The following GRIA1 variants were observed in gnomAD, a reference collection of about 807,000 sequenced individuals.
GRIA1 encodes the protein glutamate receptor 1.
A neutral mutation model predicts 99.2 loss-of-function variants in GRIA1; 31 were observed. The ratio of observed to expected loss-of-function variants is 0.31; its 90% CI spans 0.23 to 0.42. The LOEUF is 0.42. Among genes scored for constraint, GRIA1 ranks in the 10% least tolerant of loss-of-function variants. The pLI, the probability that GRIA1 is intolerant of heterozygous loss-of-function variation, is 1.00. For synonymous variants in GRIA1, 438 were observed against 432.4 expected (o/e 1.01, Z -0.16); for missense variants, 782 against 1,157.5 (o/e 0.68, Z 4.71).
intron 8 of GRIA1, among the ~76,000 whole-genome samples, chr5:153,687,871 A>C (rs2149498980): frequency 6.6e-6 from 1 of 152,354 alleles, no homozygotes; most frequent in East Asian, 1.9e-4. Flanking sequence ...ACAAACAGTG[A>C]CTTAAAACAA....
At chr5:153,767,129 C>T (rs892140868) in intron 12 of GRIA1, among the ~76,000 whole-genome samples, 2 of 152,060 alleles carry the variant, frequency 1.3e-5, no homozygotes, top group African/African-American at 4.8e-5. Context: ...TGAGGCATTC[C>T]TACCCTAAAG....
At chr5:153,756,247 G>T (rs1403809862) in intron 11 of GRIA1, among the ~76,000 whole-genome samples, 2 of 152,156 alleles carry the variant, frequency 1.3e-5, no homozygotes, top group Non-Finnish European at 2.9e-5. Flanking sequence ...ATCCAGAGGG[G>T]GCCCAGTCTC....
rs1313356633 is a variant in GRIA1, at chr5:153,490,767, CAAGG to C, written c.-115_-112del. 2 of 787,080 alleles carry C rather than the reference CAAGG, an allele frequency of 2.5e-6. No homozygotes were observed. Among genetic ancestry groups the C allele is most frequent in the African/African-American group, 3.4e-5 (2 of 58,372 alleles). 48.8% of individuals were successfully genotyped at this position (787,080 alleles called of 1,614,324 possible). On this transcript the variant is annotated 5_prime_UTR_variant, in exon 1 of 16. Coordinates refer to ENST00000285900, the MANE Select transcript of GRIA1 (RefSeq NM_000827.4). ...TCACGAAAGGAAGGAAGCAAGCAAG[CAAGG>C]AAGGAACTGCAGGAGGAAAAGAACA...
intron 11 of GRIA1, among the ~76,000 whole-genome samples, chr5:153,738,219 C>T (rs1320529108): frequency 6.6e-6 from 1 of 152,222 alleles, no homozygotes; most frequent in African/African-American, 2.4e-5. Flanking sequence ...GGTTCTCCAT[C>T]AGTTATTCTG....
intron 11 of GRIA1, among the ~76,000 whole-genome samples, chr5:153,720,442 C>T (rs1581533013): frequency 1.3e-5 from 2 of 152,140 alleles, no homozygotes; most frequent in Non-Finnish European, 2.9e-5. Context: ...CTAAAATAAG[C>T]CCAGTCACTG....
intron 4 of GRIA1, among the ~76,000 whole-genome samples, chr5:153,652,432 T>A (rs1264252055): frequency 2.0e-5 from 3 of 152,200 alleles, no homozygotes; most frequent in Non-Finnish European, 4.4e-5. Context: ...ACAGCTTTTT[T>A]CAATTCCCCT....
intron 5 of GRIA1, among the ~76,000 whole-genome samples, chr5:153,665,171 A>G (rs942769604): frequency 1.3e-5 from 2 of 152,210 alleles, no homozygotes; most frequent in Non-Finnish European, 2.9e-5. Context: ...CAATAGCCCA[A>G]CCTGGAGTCC....
chr5:153,667,947 T>A (rs1755866172), intron 5 of GRIA1, among the ~76,000 whole-genome samples: 1 of 152,238 alleles, frequency 6.6e-6, no homozygotes, highest in African/African-American at 2.4e-5. Context: ...CTATATTAAC[T>A]AGTTTACTTA....
intron 2 of GRIA1, among the ~76,000 whole-genome samples, chr5:153,502,111 T>G (rs1392898766): frequency 6.6e-6 from 1 of 152,210 alleles, no homozygotes; most frequent in East Asian, 1.9e-4. Context: ...CTCTTTCATA[T>G]TCACATGCTC....
Position 153,812,635 on chromosome 5 carries a change from G to A in GRIA1, c.*1410G>A, listed in dbSNP as rs1222050370. The A allele has an allele frequency of 6.6e-6, 1 of 152,202 alleles. No homozygotes were observed. Among genetic ancestry groups the A allele is most frequent in the Non-Finnish European group, 1.5e-5 (1 of 68,038 alleles). 9.4% of individuals were successfully genotyped at this position (152,202 alleles called of 1,614,324 possible). A position where few individuals can be genotyped will look rare whatever the true frequency, so the allele number is the denominator to read the frequency against. Reference sequence around the variant, plus strand: ...CCTTCCCCCAGCTAAGATAGCATGAGGACGTTGTATTCCAATATACGTATG... The same window carrying A: ...CCTTCCCCCAGCTAAGATAGCATGAAGACGTTGTATTCCAATATACGTATG... On this transcript the variant is annotated 3_prime_UTR_variant, in exon 16 of 16. Transcript: ENST00000285900.
In GRIA1 at chr5:153,655,847, G is replaced by A; in HGVS notation, c.674G>A (p.Gly225Asp). Residue 225 changes from glycine to aspartate, a missense_variant, in exon 5 of 16, where the codon GGC (glycine) becomes GAC (aspartate). Around this residue, in one of 5 missense-constraint regions of GRIA1, gnomAD observed 461 missense variants for 521.7 expected, o/e 0.88. Transcript: ENST00000285900. ...QIIKLEKNGIGYHYILANLGF... is the reference protein window; with the variant it reads ...QIIKLEKNGIDYHYILANLGF... ...ATAAAGCTAGAGAAGAATGGCATCG[G>A]CTACCACTACATTCTTGCAAATCTG... 1 of 1,613,298 alleles carries A rather than the reference G, an allele frequency of 6.2e-7. No individual in the cohort carries two copies. Among genetic ancestry groups the A allele is most frequent in the Non-Finnish European group, 8.5e-7 (1 of 1,179,514 alleles).
At chr5:153,662,203 C>G (rs1029580424) in intron 5 of GRIA1, among the ~76,000 whole-genome samples, 16 of 152,298 alleles carry the variant, frequency 1.1e-4, no homozygotes, top group Non-Finnish European at 2.1e-4. Context: ...TCCCCCAGTG[C>G]CTTCTCTCAG....
intron 11 of GRIA1, among the ~76,000 whole-genome samples, chr5:153,712,074 C>T (rs944782723): frequency 3.3e-5 from 5 of 151,900 alleles, no homozygotes; most frequent in African/African-American, 9.7e-5. Context: ...TTTCCAAGAC[C>T]GAGTCTTGCT....
intron 13 of GRIA1, among the ~76,000 whole-genome samples, chr5:153,780,436 G>C (rs1356641870): frequency 1.3e-5 from 2 of 152,184 alleles, no homozygotes; most frequent in Non-Finnish European, 2.9e-5. Context: ...AATAACAACT[G>C]TTTCTTGGAC....
At chr5:153,507,583 T>C (rs1177327858) in intron 2 of GRIA1, among the ~76,000 whole-genome samples, 1 of 152,240 alleles carries the variant, frequency 6.6e-6, no homozygotes, top group Non-Finnish European at 1.5e-5. Flanking sequence ...ATCAATATTA[T>C]GTGTTGATTT....
intron 2 of GRIA1, among the ~76,000 whole-genome samples, chr5:153,499,613 CAAAAAAAAAAAAAAAA>C: frequency 2.4e-5 from 1 of 42,118 alleles, no homozygotes; most frequent in Non-Finnish European, 4.1e-5. Context: ...GAATTTGTCT[CAAAAAAAAAAAAAAAA>C]AAAAAAAAAA....
chr5:153,687,457 A>C (rs1386005426), intron 8 of GRIA1, among the ~76,000 whole-genome samples: 1 of 152,152 alleles, frequency 6.6e-6, no homozygotes, highest in Non-Finnish European at 1.5e-5. Flanking sequence ...AGTTCTAAGT[A>C]CTGGAACTGG....
chr5:153,572,797 C>T (rs1190151658), intron 2 of GRIA1, among the ~76,000 whole-genome samples: 1 of 152,168 alleles, frequency 6.6e-6, no homozygotes, highest in Non-Finnish European at 1.5e-5. Flanking sequence ...GCTTCTTCTT[C>T]AAAGCTGTGT....
chr5:153,794,410 A>T (rs1159116336), intron 13 of GRIA1, among the ~76,000 whole-genome samples: 1 of 152,186 alleles, frequency 6.6e-6, no homozygotes, highest in Non-Finnish European at 1.5e-5. Flanking sequence ...GGTTACAATG[A>T]CGCCTCTCCA....
Sources: allele counts gnomAD v4.1 joint callset (sites outside exome capture counted in the v4.1 genomes callset), GRCh38; gene constraint gnomAD v4.1.1; regional missense constraint gnomAD v4.1.1; transcripts MANE v1.5; gene names NCBI Gene and HGNC (gene_info 2026-07-23, HGNC 2026-07-21).